FAHD2A: variants seen among roughly 807,000 people sequenced by gnomAD.
The protein encoded by FAHD2A is fumarylacetoacetate hydrolase domain containing 2A.
FAHD2A carries 27 observed loss-of-function variants against 33.4 expected under a neutral mutation model. That is an observed-to-expected ratio of 0.81 (90% CI 0.60 to 1.11). The LOEUF (loss-of-function observed/expected upper bound fraction) is 1.11, where lower values mean the gene tolerates loss of function less well. Ranked by LOEUF, FAHD2A falls within the 50% of genes most tolerant of loss-of-function variation. The pLI is 0.00. For synonymous variants in FAHD2A, 130 were observed against 153.3 expected, an observed-to-expected ratio of 0.85 and a Z score of 1.12; for missense variants, 296 against 395.0, an observed-to-expected ratio of 0.75 and a Z score of 2.12.
In FAHD2A at chr2:95,405,778, G is replaced by A. The variant is rs1182520176; in HGVS notation, c.220G>A (p.Glu74Lys). ...GATGACGCAGTTCCTAGAGCAGGGA[G>A]AGGCCACCCTCTCAGTGGCAAGAAG... ...KTMTQFLEQG[E>K]ATLSVARRAL... The change falls in exon 2 of 8, where the codon GAG (glutamate) becomes AAG (lysine). Residue 74 changes from glutamate (E) to lysine (K), a missense_variant. Coordinates refer to ENST00000233379, the MANE Select transcript of FAHD2A (RefSeq NM_016044.3). 5 of 1,613,334 alleles carry A rather than the reference G, an allele frequency of 3.1e-6. No individual in the cohort carries two copies. The highest frequency in any genetic ancestry group is 3.4e-6 in the Non-Finnish European group (4 of 1,179,776).
At chr2:95,405,409 T>C in intron 1 of FAHD2A, 144 bp from the exon 2 acceptor site, 1 of 1,271,772 alleles carries the variant, frequency 7.9e-7, no homozygotes, top group East Asian at 2.4e-5. Context: ...GCAGGTAAAA[T>C]ACAAGCCTGG....
chr2:95,417,551 T>C (rs1683243922), downstream of FAHD2A, among the ~76,000 whole-genome samples: 1 of 152,188 alleles, frequency 6.6e-6, no homozygotes, highest in Admixed American at 6.5e-5. Flanking sequence ...CCTCATTTGA[T>C]CTAAAACTAG....
downstream of FAHD2A, among the ~76,000 whole-genome samples, chr2:95,416,841 A>G (rs886121158): frequency 4.6e-5 from 7 of 152,188 alleles, no homozygotes; most frequent in Non-Finnish European, 7.4e-5. Context: ...CCCAATACAT[A>G]ACTACCCCTG....
At chr2:95,416,843 C>G (rs1174968605), downstream of FAHD2A, among the ~76,000 whole-genome samples, 3 of 152,220 alleles carry the variant, frequency 2.0e-5, no homozygotes, top group East Asian at 5.8e-4. Context: ...CAATACATAA[C>G]TACCCCTGAA....
rs1225588896 is a variant in FAHD2A, at chr2:95,414,139, C to A, written c.*1182C>A. 6.6e-7 allele frequency: 1 copy of A among 1,525,682 alleles called. No individual in the cohort carries two copies. The highest frequency in any genetic ancestry group is 1.4e-5 in the African/African-American group (1 of 72,402). The allele number at this position is 1,525,682 out of a possible 1,614,324, so 94.5% of individuals were successfully genotyped here. A position where few individuals can be genotyped will look rare whatever the true frequency, so the allele number is the denominator to read the frequency against. On this transcript the variant is annotated 3_prime_UTR_variant, in exon 8 of 8. Transcript: ENST00000233379. Reference sequence around the variant, plus strand: ...AGATCTCCGACTGGACAGAAGACTACTCTGCAGCCCGCCTTCCTAGAGTTG... The same window carrying A: ...AGATCTCCGACTGGACAGAAGACTAATCTGCAGCCCGCCTTCCTAGAGTTG...
In FAHD2A at chr2:95,415,515, AAC is replaced by A. The variant is rs1035990490; in HGVS notation, c.*2562_*2563del. On this transcript the variant is annotated 3_prime_UTR_variant, in exon 8 of 8. Coordinates refer to ENST00000233379, the MANE Select transcript of FAHD2A (RefSeq NM_016044.3). ...TATTAGGCATTCTCTTGATTCGGTAAACACAAGCTGAATAAATTTATAAATAT... is the reference window on the plus strand; with the variant it reads ...TATTAGGCATTCTCTTGATTCGGTAAACAAGCTGAATAAATTTATAAATAT... 1.3e-5 allele frequency: 2 copies of A among 152,654 alleles called. No homozygotes were observed. Among genetic ancestry groups the A allele is most frequent in the African/African-American group, 4.8e-5 (2 of 41,446 alleles). 9.5% of individuals were successfully genotyped at this position (152,654 alleles called of 1,614,324 possible). A position where few individuals can be genotyped will look rare whatever the true frequency, so the allele number is the denominator to read the frequency against.
chr2:95,407,368 A>G, intron 3 of FAHD2A: 1 of 671,562 alleles, frequency 1.5e-6, no homozygotes, highest in Non-Finnish European at 2.5e-6. Context: ...CCTTCACTGT[A>G]GATAATAAAA....
chr2:95,412,710 A>G lies in FAHD2A; in HGVS notation c.828A>G (p.Leu276=), dbSNP rs762330198. 40 of 1,613,966 alleles carry G rather than the reference A, an allele frequency of 2.5e-5. No individual in the cohort carries two copies. Among genetic ancestry groups the G allele is most frequent in the Non-Finnish European group, 3.4e-5 (40 of 1,179,988 alleles). Residue 276 remains leucine (L), a synonymous_variant, in exon 7 of 8, where the codon CTA becomes CTG. Transcript: ENST00000233379. ...FVTFYPGDVI[L]TGTPPGVGVF... is the part of the protein sequence containing the mutation. ...CCTTTTACCCAGGGGATGTCATCCT[A>G]ACTGGGACCCCCCCAGGTGTCGGTG...
Position 95,415,865 on chromosome 2 carries a change from CCT to C in FAHD2A, c.*2913_*2914del. The stretch of plus-strand genomic sequence containing the variant: ...GGGTGACTTTGAGGATGCTATTTAA[CCT>C]CTCTAAGCTAAAGCTCCTCGACTGC... On this transcript the variant is annotated 3_prime_UTR_variant, in exon 8 of 8. Coordinates refer to ENST00000233379, the MANE Select transcript of FAHD2A (RefSeq NM_016044.3). 1 of 152,580 alleles carries C rather than the reference CCT, an allele frequency of 6.6e-6. No individual in the cohort carries two copies. The highest frequency in any genetic ancestry group is 1.9e-4 in the East Asian group (1 of 5,194). 9.5% of individuals were successfully genotyped at this position (152,580 alleles called of 1,614,324 possible). A position where few individuals can be genotyped will look rare whatever the true frequency, so the allele number is the denominator to read the frequency against.
At chr2:95,411,787 G>T (rs896198862) in intron 5 of FAHD2A, among the ~76,000 whole-genome samples, 1 of 152,146 alleles carries the variant, frequency 6.6e-6, no homozygotes, top group African/African-American at 2.4e-5. Flanking sequence ...CTGCTTTATA[G>T]ATGCTGAGTC....
In FAHD2A at chr2:95,414,340, T is replaced by A; in HGVS notation, c.*1383T>A. ...AGAAGACATCAAAAAGAAAATCTAG[T>A]GCTGGGTGGATATAGAGTATGAAGA... On this transcript the variant is annotated 3_prime_UTR_variant, in exon 8 of 8. Coordinates refer to ENST00000233379, the MANE Select transcript of FAHD2A (RefSeq NM_016044.3). 1 of 796,082 alleles carries A rather than the reference T, an allele frequency of 1.3e-6. No homozygotes were observed. Among genetic ancestry groups the A allele is most frequent in the African/African-American group, 1.7e-5 (1 of 59,006 alleles). 49.3% of individuals were successfully genotyped at this position (796,082 alleles called of 1,614,324 possible). A position where few individuals can be genotyped will look rare whatever the true frequency, so the allele number is the denominator to read the frequency against.
chr2:95,411,865 A>T (rs1033208077), intron 5 of FAHD2A, among the ~76,000 whole-genome samples: 1 of 152,154 alleles, frequency 6.6e-6, no homozygotes, highest in Non-Finnish European at 1.5e-5. Flanking sequence ...AGCTCACTGA[A>T]GCCTCAACCT....
At chr2:95,418,093 A>G (rs992367843), downstream of FAHD2A, among the ~76,000 whole-genome samples, 5 of 152,066 alleles carry the variant, frequency 3.3e-5, no homozygotes, top group African/African-American at 1.2e-4. Context: ...GCAATAAGCC[A>G]CAATTCACTG....
In FAHD2A at chr2:95,413,284, G is replaced by A. The variant is rs1402714428; in HGVS notation, c.*327G>A. 1 of 1,383,678 alleles carries A rather than the reference G, an allele frequency of 7.2e-7. No individual in the cohort carries two copies. Among genetic ancestry groups the A allele is most frequent in the Non-Finnish European group, 9.6e-7 (1 of 1,040,560 alleles). 85.7% of individuals were successfully genotyped at this position (1,383,678 alleles called of 1,614,324 possible). A position where few individuals can be genotyped will look rare whatever the true frequency, so the allele number is the denominator to read the frequency against. ...AAAAGACAATTCGTGTCGTCCCCTT[G>A]TTTATCACATCAAAGAAGGGAAAAA... On this transcript the variant is annotated 3_prime_UTR_variant, in exon 8 of 8. Coordinates refer to ENST00000233379, the MANE Select transcript of FAHD2A (RefSeq NM_016044.3).
Position 95,415,740 on chromosome 2 carries a change from C to T in FAHD2A, c.*2783C>T, listed in dbSNP as rs1021448835. ...GCTGCGAGCTTACCTCAACTCATCTCACCTCACCATGCCGGCTGCGAGGCG... is the reference window on the plus strand; with the variant it reads ...GCTGCGAGCTTACCTCAACTCATCTTACCTCACCATGCCGGCTGCGAGGCG... On this transcript the variant is annotated 3_prime_UTR_variant, in exon 8 of 8. Transcript: ENST00000233379. The T allele has an allele frequency of 6.6e-6, 1 of 152,654 alleles. No homozygotes were observed. Among genetic ancestry groups the T allele is most frequent in the Non-Finnish European group, 1.5e-5 (1 of 68,060 alleles). The allele number at this position is 152,654 out of a possible 1,614,324, so 9.5% of individuals were successfully genotyped here.
Position 95,412,747 on chromosome 2 carries a change from C to A in FAHD2A, c.865C>A (p.Pro289Thr). 6.2e-7 allele frequency: 1 copy of A among 1,614,180 alleles called. No homozygotes were observed. Residue 289 changes from proline (P) to threonine (T), a missense_variant, in exon 7 of 8, where the codon CCT (proline) becomes ACT (threonine). Transcript: ENST00000233379. ...TPPGVGVFRK[P>T]PVFLKKGDEV... ...CCCAGGTGTCGGTGTATTCAGGAAA[C>A]CTCCTGTCTTTCTCAAGGTAGGTTA...
Position 95,413,703 on chromosome 2 carries a change from C to G in FAHD2A, c.*746C>G. On this transcript the variant is annotated 3_prime_UTR_variant, in exon 8 of 8. Coordinates refer to ENST00000233379, the MANE Select transcript of FAHD2A (RefSeq NM_016044.3). ...AGGCCTCAGTGTTTGAGTGCAAATG[C>G]TGCCTCAAAGCAGCCCCAATACCCC... 1 of 1,006,578 alleles carries G rather than the reference C, an allele frequency of 9.9e-7. No individual in the cohort carries two copies. The allele number at this position is 1,006,578 out of a possible 1,614,324, so 62.4% of individuals were successfully genotyped here. A position where few individuals can be genotyped will look rare whatever the true frequency, so the allele number is the denominator to read the frequency against.
At chr2:95,421,042 TGTGTGTC>T (rs1683309041), downstream of FAHD2A, among the ~76,000 whole-genome samples, 2 of 111,910 alleles carry the variant, frequency 1.8e-5, no homozygotes, top group South Asian at 6.5e-4. Context: ...TGTGTGTGTG[TGTGTGTC>T]CCCAGGATGT....
chr2:95,418,602 A>G (rs1328220179), downstream of FAHD2A, among the ~76,000 whole-genome samples: 2 of 152,018 alleles, frequency 1.3e-5, no homozygotes, highest in Non-Finnish European at 2.9e-5. Context: ...TGAGGTTAGT[A>G]GAGAGCTTCA....
Sources: gnomAD v4.1 joint callset for allele counts (sites outside exome capture counted in the v4.1 genomes callset) on GRCh38, gnomAD v4.1.1 for gene constraint, MANE v1.5 for transcripts, NCBI Gene and HGNC (gene_info 2026-07-23, HGNC 2026-07-21) for gene names.